Variants in VTI1A observed in about 807,000 individuals in gnomAD.
VTI1A encodes vesicle transport through interaction with t-SNAREs 1A.
A neutral mutation model predicts 34.9 loss-of-function variants in VTI1A; 22 were observed. The ratio of observed to expected loss-of-function variants is 0.63; its 90% CI spans 0.45 to 0.90. The LOEUF is 0.90. Among genes scored for constraint, VTI1A ranks in the 40% least tolerant of loss-of-function variants. The pLI, the probability that VTI1A is intolerant of heterozygous loss-of-function variation, is 0.00. For missense variants in VTI1A, 268 were observed against 275.6 expected, an observed-to-expected ratio of 0.97 and a Z score of 0.20; for synonymous variants, 87 against 97.3, an observed-to-expected ratio of 0.89 and a Z score of 0.62.
chr10:112,524,536 A>G (rs1429412507), intron 3 of VTI1A, among the ~76,000 whole-genome samples: 1 of 152,158 alleles, frequency 6.6e-6, no homozygotes, highest in East Asian at 1.9e-4. Flanking sequence ...CCACCCTTCA[A>G]CTGTGGATAA....
chr10:112,558,129 G>A (rs1851597439), intron 5 of VTI1A, among the ~76,000 whole-genome samples: 1 of 152,122 alleles, frequency 6.6e-6, no homozygotes, highest in South Asian at 2.1e-4. Flanking sequence ...GGCACATTTA[G>A]TGAATGTCTA....
At chr10:112,796,694 A>G (rs1852688192) in intron 7 of VTI1A, among the ~76,000 whole-genome samples, 1 of 152,194 alleles carries the variant, frequency 6.6e-6, no homozygotes, top group Non-Finnish European at 1.5e-5. Flanking sequence ...GGGAGGGAAA[A>G]GTTCTTCCTG....
intron 3 of VTI1A, among the ~76,000 whole-genome samples, chr10:112,469,783 T>C (rs540576669): frequency 3.3e-5 from 5 of 152,310 alleles, no homozygotes; most frequent in Middle Eastern, 3.4e-3. Context: ...CCTCTACATA[T>C]GCAAGTTCAT....
upstream of VTI1A, chr10:112,447,124 C>A (rs1846852765): frequency 3.9e-6 from 2 of 512,028 alleles, no homozygotes; most frequent in East Asian, 6.2e-5. Context: ...CTAATTGGGG[C>A]GCTTTTCCTT....
chr10:112,792,549 C>T (rs1411165553), intron 7 of VTI1A, among the ~76,000 whole-genome samples: 1 of 152,150 alleles, frequency 6.6e-6, no homozygotes, highest in East Asian at 1.9e-4. Flanking sequence ...ACACCTAGGG[C>T]ACGTTTTATG....
intron 3 of VTI1A, among the ~76,000 whole-genome samples, chr10:112,468,434 G>A (rs1165408627): frequency 6.6e-6 from 1 of 152,056 alleles, no homozygotes; most frequent in Non-Finnish European, 1.5e-5. Flanking sequence ...TAGAAATACT[G>A]AATTTCAAGA....
At chr10:112,675,660 C>T (rs541681358) in intron 7 of VTI1A, among the ~76,000 whole-genome samples, 8 of 152,294 alleles carry the variant, frequency 5.3e-5, no homozygotes, top group South Asian at 2.1e-4. Context: ...CCCTTACCTC[C>T]GGAATTTGAC....
At chr10:112,588,595 C>T (rs183107016) in intron 5 of VTI1A, among the ~76,000 whole-genome samples, 57 of 152,260 alleles carry the variant, frequency 3.7e-4, no homozygotes, top group South Asian at 1.4e-3. Context: ...AAAAGAAGGA[C>T]GAGGCTATGT....
intron 7 of VTI1A, among the ~76,000 whole-genome samples, chr10:112,689,179 T>C (rs1848531469): frequency 6.6e-6 from 1 of 152,184 alleles, no homozygotes; most frequent in Non-Finnish European, 1.5e-5. Flanking sequence ...GTCACTCTGG[T>C]AGGGAAAAGT....
chr10:112,801,325 G>C (rs1383080458), intron 7 of VTI1A, among the ~76,000 whole-genome samples: 2 of 152,082 alleles, frequency 1.3e-5, no homozygotes, highest in East Asian at 3.9e-4. Context: ...TCAGATCTAG[G>C]TCCTAATACT....
At chr10:112,492,456 G>A (rs951890171) in intron 3 of VTI1A, among the ~76,000 whole-genome samples, 9 of 152,098 alleles carry the variant, frequency 5.9e-5, no homozygotes, top group Non-Finnish European at 1.2e-4. Context: ...TTATTTGTTA[G>A]ATAAAAGCTA....
the VTI1A span, among the ~76,000 whole-genome samples, chr10:112,831,009 C>T: frequency 6.6e-6 from 1 of 150,428 alleles, no homozygotes; most frequent in East Asian, 2.0e-4. Context: ...GCCACCATGC[C>T]CGGCTAATTT....
chr10:112,468,055 G>A (rs1173367964), intron 3 of VTI1A, among the ~76,000 whole-genome samples: 1 of 152,206 alleles, frequency 6.6e-6, no homozygotes, highest in Non-Finnish European at 1.5e-5. Flanking sequence ...CAGGGTGATT[G>A]TGGCCATTTG....
intron 7 of VTI1A, among the ~76,000 whole-genome samples, chr10:112,770,684 G>T (rs1480982354): frequency 6.6e-6 from 1 of 151,944 alleles, no homozygotes; most frequent in African/African-American, 2.4e-5. Context: ...GGGATTACAG[G>T]CTTGAGCCAC....
chr10:112,562,476 C>G (rs1170176850), intron 5 of VTI1A, among the ~76,000 whole-genome samples: 6 of 151,802 alleles, frequency 4.0e-5, no homozygotes, highest in African/African-American at 1.5e-4. Context: ...GTAATAAATA[C>G]CAGGTAACTT....
chr10:112,601,421 A>G (rs953853052), intron 5 of VTI1A, among the ~76,000 whole-genome samples: 9 of 87,602 alleles, frequency 1.0e-4, no homozygotes, highest in African/African-American at 3.5e-4. Flanking sequence ...CTCATCAATT[A>G]TTTACTTTTT....
chr10:112,730,400 G>A (rs1886601), intron 7 of VTI1A, among the ~76,000 whole-genome samples: 7 of 151,918 alleles, frequency 4.6e-5, no homozygotes, highest in Admixed American at 2.0e-4. Flanking sequence ...ACCTTGTGGC[G>A]TGATCTTGTC....
intron 5 of VTI1A, among the ~76,000 whole-genome samples, chr10:112,613,035 A>G (rs1371313315): frequency 6.6e-6 from 1 of 152,064 alleles, no homozygotes; most frequent in East Asian, 1.9e-4. Context: ...AAATGATACT[A>G]ATTTTCTCAA....
At chr10:112,844,590 A>G in the VTI1A span, among the ~76,000 whole-genome samples, 1 of 152,110 alleles carries the variant, frequency 6.6e-6, no homozygotes, top group Non-Finnish European at 1.5e-5. Flanking sequence ...GTAGAGACGG[A>G]GTTTCACCAT....
Sources: gnomAD v4.1 joint callset for allele counts (sites outside exome capture counted in the v4.1 genomes callset) on GRCh38, gnomAD v4.1.1 for gene constraint, MANE v1.5 for transcripts, NCBI Gene and HGNC (gene_info 2026-07-23, HGNC 2026-07-21) for gene names.